Variants in NT5C1B observed in about 807,000 individuals in gnomAD.
The protein encoded by NT5C1B is cytosolic 5'-nucleotidase 1B.
In NT5C1B, 44 loss-of-function variants were observed where a neutral mutation model predicts 57.8. The observed-to-expected ratio is 0.76, with a 90% confidence interval of 0.60 to 0.98. The LOEUF is 0.98. Ranked by LOEUF, NT5C1B falls within the 50% of genes least tolerant of loss-of-function variation. NT5C1B has a pLI of 0.00. For missense variants in NT5C1B, 742 were observed against 719.5 expected, an observed-to-expected ratio of 1.03 and a Z score of -0.36; for synonymous variants, 284 against 282.6, an observed-to-expected ratio of 1.00 and a Z score of -0.05.
intron 6 of NT5C1B, among the ~76,000 whole-genome samples, chr2:18,580,040 A>G (rs1262687466): frequency 6.6e-6 from 1 of 152,164 alleles, no homozygotes; most frequent in Non-Finnish European, 1.5e-5. Context: ...AAAATGCTTA[A>G]CCTCACTAAT....
intron 8 of NT5C1B, 106 bp from the exon 9 acceptor site, chr2:18,564,225 A>T: frequency 8.8e-6 from 11 of 1,245,538 alleles, no homozygotes; most frequent in Non-Finnish European, 1.1e-5. Context: ...GATATAATAC[A>T]GCATGACATG....
At chr2:18,586,097 A>G (rs1666681932) in intron 3 of NT5C1B, 157 bp downstream of exon 3, 2 of 1,197,026 alleles carry the variant, frequency 1.7e-6, no homozygotes, top group Non-Finnish European at 2.2e-6. Context: ...CTCAGTGGCA[A>G]AATGGGATTT....
chr2:18,576,797 T>G, exon 7 of NT5C1B: 1 of 1,613,888 alleles, frequency 6.2e-7, no homozygotes, highest in Non-Finnish European at 8.5e-7. Flanking sequence ...TCTTGCACTT[T>G]TTCAGAATCT....
exon 9 of NT5C1B, chr2:18,563,829 T>A: frequency 6.3e-7 from 1 of 1,587,104 alleles, no homozygotes; most frequent in Non-Finnish European, 8.6e-7. Context: ...AGCCATAAGC[T>A]GCGATGGAAC....
exon 9 of NT5C1B, chr2:18,564,050 A>G (rs112808478): frequency 1.2e-6 from 2 of 1,610,642 alleles, no homozygotes; most frequent in Non-Finnish European, 1.7e-6. Flanking sequence ...GGACAAAGTA[A>G]CCGTTCATTT....
Position 18,584,514 on chromosome 2 carries a change from C to T in NT5C1B, c.723G>A (p.Pro241=), listed in dbSNP as rs1250358004. ...TGCCAGGGGCGGCGGGCTGGCTCACCGGCCAGGGGCGCGAGCAGCTCGGGT... is the reference window on the plus strand; with the variant it reads ...TGCCAGGGGCGGCGGGCTGGCTCACTGGCCAGGGGCGCGAGCAGCTCGGGT... The change falls in exon 4 of 9, where the codon CCG becomes CCA. Residue 241 remains proline (P), a splice_region_variant and synonymous_variant. Coordinates refer to ENST00000304081, the Ensembl canonical transcript of NT5C1B. This position sits in a 1 kb window ranked among gnomAD's most constrained non-coding sequence, Gnocchi z 5.8. 4 of 1,607,626 alleles carry T rather than the reference C, an allele frequency of 2.5e-6. No homozygotes were observed. The highest frequency in any genetic ancestry group is 1.7e-4 in the Middle Eastern group (1 of 5,776).
At chr2:18,576,448 C>T in intron 7 of NT5C1B, 80 bp from the exon 8 acceptor site, 3 of 1,491,042 alleles carry the variant, frequency 2.0e-6, no homozygotes, top group African/African-American at 1.4e-5. Flanking sequence ...AACAAATTCT[C>T]CCAGACCTTA....
At chr2:18,564,607 C>T (rs1664471473) in intron 8 of NT5C1B, among the ~76,000 whole-genome samples, 1 of 152,136 alleles carries the variant, frequency 6.6e-6, no homozygotes, top group African/African-American at 2.4e-5. Flanking sequence ...TTAACCTTTC[C>T]AAACACTTGG....
At chr2:18,571,718 G>GTGTGTATATA (rs1246189018) in intron 8 of NT5C1B, among the ~76,000 whole-genome samples, 7 of 111,452 alleles carry the variant, frequency 6.3e-5, no homozygotes, top group African/African-American at 9.6e-5. Context: ...CTGTGTGTGT[G>GTGTGTATATA]TATATATATA....
exon 9 of NT5C1B, chr2:18,563,944 G>T: frequency 2.5e-6 from 4 of 1,614,210 alleles, no homozygotes; most frequent in Non-Finnish European, 3.4e-6. Context: ...AAGGAAAAGA[G>T]CTTCGTCTAT....
intron 8 of NT5C1B, among the ~76,000 whole-genome samples, chr2:18,575,466 A>C (rs1314147960): frequency 1.3e-5 from 2 of 152,164 alleles, no homozygotes; most frequent in East Asian, 1.9e-4. Flanking sequence ...AACTGAGAAA[A>C]AGAACAATTA....
At position 18,584,595 on chromosome 2, in the gene NT5C1B, G is replaced by A. The variant is rs191446499; in HGVS notation, c.642C>T (p.Asp214=). 22 of 1,612,462 alleles carry A rather than the reference G, an allele frequency of 1.4e-5. No homozygotes were observed. The highest frequency in any genetic ancestry group is 1.9e-5 in the Non-Finnish European group (22 of 1,179,442). The change falls in exon 4 of 9, where the codon GAC becomes GAT. Residue 214 remains aspartate, a synonymous_variant. Transcript: ENST00000304081. The surrounding 1 kb of genome is among the most constrained non-coding windows in gnomAD (Gnocchi z 5.8). ...AGTAGGCAGCCTCGTAGTCGTCCTC[G>A]TCCTCCCGCTGCTGCTGCTGCTGCT...
At chr2:18,583,973 A>G in intron 5 of NT5C1B, 115 bp downstream of exon 5, 1 of 1,585,758 alleles carries the variant, frequency 6.3e-7, no homozygotes, top group Non-Finnish European at 8.6e-7. Flanking sequence ...GGAGACAAGA[A>G]TGACAAGGGT....
At chr2:18,585,146 G>C in intron 3 of NT5C1B, 168 bp from the exon 4 acceptor site, 2 of 894,444 alleles carry the variant, frequency 2.2e-6, no homozygotes, top group South Asian at 1.3e-5. Context: ...TCAGCTGTTT[G>C]ATATTTCTGT....
chr2:18,576,551 G>A (rs1665694641), intron 7 of NT5C1B, among the ~76,000 whole-genome samples, 183 bp from the exon 8 acceptor site: 2 of 152,106 alleles, frequency 1.3e-5, no homozygotes, highest in African/African-American at 4.8e-5. Context: ...TGTTTCTATA[G>A]GGATGGAACA....
intron 6 of NT5C1B, among the ~76,000 whole-genome samples, chr2:18,581,347 T>C (rs1254367343): frequency 1.3e-5 from 2 of 152,186 alleles, no homozygotes; most frequent in Non-Finnish European, 2.9e-5. Flanking sequence ...GGTCTCAGTT[T>C]AGGGTTATTT....
chr2:18,588,257 C>T (rs1316120850), intron 1 of NT5C1B, among the ~76,000 whole-genome samples: 1 of 152,164 alleles, frequency 6.6e-6, no homozygotes. Flanking sequence ...TTTTCATTTT[C>T]ATTTGGAGGA....
At chr2:18,586,822 C>T in intron 2 of NT5C1B, 1 of 1,265,392 alleles carries the variant, frequency 7.9e-7, no homozygotes, top group Non-Finnish European at 1.1e-6. Flanking sequence ...CAGGGGGACT[C>T]TAAGGCAGCT....
chr2:18,573,069 A>T (rs546354635), intron 8 of NT5C1B, among the ~76,000 whole-genome samples: 7 of 152,334 alleles, frequency 4.6e-5, no homozygotes, highest in African/African-American at 1.7e-4. Context: ...CAGGTAAATG[A>T]ATAAAGAAAA....
Sources: gnomAD v4.1 joint callset for allele counts (sites outside exome capture counted in the v4.1 genomes callset) on GRCh38, gnomAD v4.1.1 for gene constraint, Gnocchi (gnomAD v3.1) non-coding constraint, MANE v1.5 for transcripts, NCBI Gene and HGNC (gene_info 2026-07-23, HGNC 2026-07-21) for gene names.